The following FUCA2 variants were observed in gnomAD, a reference collection of about 807,000 sequenced individuals.
The protein encoded by FUCA2 is alpha-L-fucosidase 2.
In FUCA2, 41 loss-of-function variants were observed where a neutral mutation model predicts 52.6. The observed-to-expected ratio is 0.78, with a 90% CI of 0.61 to 1.01. The LOEUF is 1.01. Ranked by LOEUF, FUCA2 falls within the 50% of genes least tolerant of loss-of-function variation. FUCA2 has a pLI of 0.00. For missense variants in FUCA2, 507 were observed against 569.5 expected, an observed-to-expected ratio of 0.89 and a Z score of 1.12; for synonymous variants, 211 against 217.3, an observed-to-expected ratio of 0.97 and a Z score of 0.26.
rs1780530120 is a variant in FUCA2, at chr6:143,501,808, GA to G, written c.1154+123del. On this transcript the variant is annotated intron_variant, in intron 5 of 6. Transcript: ENST00000002165. This position sits in a 1 kb window ranked among gnomAD's most constrained non-coding sequence, Gnocchi z 6.1. Reference sequence around the variant, plus strand: ...TTTATATTAGAGTAAGCAAAGTTTGGAAAGTGCTTTGTATATGTAGGAATTC... The same window carrying G: ...TTTATATTAGAGTAAGCAAAGTTTGGAAGTGCTTTGTATATGTAGGAATTC... The G allele has an allele frequency of 1.3e-6, 1 of 766,490 alleles. No individual in the cohort carries two copies. The highest frequency in any genetic ancestry group is 2.0e-6 in the Non-Finnish European group (1 of 499,504). 47.5% of individuals were successfully genotyped at this position (766,490 alleles called of 1,614,324 possible).
Position 143,509,399 on chromosome 6 carries a change from A to C in FUCA2, c.225-1975T>G, listed in dbSNP as rs574653473. Among the ~76,000 whole-genome samples, 1 of 152,368 alleles carries C rather than the reference A, an allele frequency of 6.6e-6. No homozygotes were observed. Among genetic ancestry groups the C allele is most frequent in the East Asian group, 1.9e-4 (1 of 5,194 alleles). On this transcript the variant is annotated intron_variant, in intron 1 of 6. Transcript: ENST00000002165. This position sits in a 1 kb window ranked among gnomAD's most constrained non-coding sequence, Gnocchi z 5.4. Reference sequence around the variant, plus strand: ...GTTCTCTATTTTGTTTAGTATGAGAAGTATCTTTATTATTCTAGGTCAAAA... The same window carrying C: ...GTTCTCTATTTTGTTTAGTATGAGACGTATCTTTATTATTCTAGGTCAAAA...
chr6:143,496,568 C>T (rs1780462946), intron 6 of FUCA2: 1 of 151,994 alleles, frequency 6.6e-6, no homozygotes, highest in African/African-American at 2.4e-5. Flanking sequence ...AAGGAGAACC[C>T]CCATATGGAC....
chr6:143,507,303 G>T lies in FUCA2; in HGVS notation c.346C>A (p.Gln116Lys), dbSNP rs775353690. The change falls in exon 2 of 7, where the codon CAG becomes AAG. Residue 116 changes from glutamine (Q) to lysine (K), a missense_variant. Gln to Lys is a moderately conservative substitution (Grantham distance 53). Coordinates refer to ENST00000002165, the MANE Select transcript of FUCA2 (RefSeq NM_032020.5). The surrounding 1 kb of genome is among the most constrained non-coding windows in gnomAD (Gnocchi z 4.5). ...LFTAKFFNAN[Q>K]WADIFQASGA... is the part of the protein sequence containing the mutation. ...GAGGCCTGAAAAATATCTGCCCACT[G>T]GTTGGCATTAAAAAATTTTGCTGTA... 1.2e-6 allele frequency: 2 copies of T among 1,606,786 alleles called. No individual in the cohort carries two copies. The highest frequency in any genetic ancestry group is 1.7e-6 in the Non-Finnish European group (2 of 1,177,612).
At position 143,511,341 on chromosome 6, in the gene FUCA2, C is replaced by CTGGGTGG. The variant is rs1468394169; in HGVS notation, c.224+63_224+69dup. On this transcript the variant is annotated intron_variant, in intron 1 of 6. Coordinates refer to ENST00000002165, the MANE Select transcript of FUCA2 (RefSeq NM_032020.5). This position sits in a 1 kb window ranked among gnomAD's most constrained non-coding sequence, Gnocchi z 6.3. ...AGCACCAGGCGGCGAACCAGGCCCG[C>CTGGGTGG]TGGGTGGTGGCTGGAGGCTGCGGGT... The CTGGGTGG allele has an allele frequency of 7.0e-6, 10 of 1,433,430 alleles. No individual in the cohort carries two copies. Among genetic ancestry groups the CTGGGTGG allele is most frequent in the African/African-American group, 5.7e-5 (4 of 69,606 alleles). 88.8% of individuals were successfully genotyped at this position (1,433,430 alleles called of 1,614,324 possible).
chr6:143,503,950 TC>T lies in FUCA2; in HGVS notation c.714del (p.Trp238Ter). ...AACCAGGCCAAGAAGCCTGTGCTGT[TC>T]CAGTATTGATCCGGTGCTCCTCCGT... ...DGDGGAPDQY[W>X]NSTGFLAWLY... On this transcript the variant is annotated frameshift_variant, in exon 3 of 7. Coordinates refer to ENST00000002165, the MANE Select transcript of FUCA2 (RefSeq NM_032020.5). LOFTEE classifies it high-confidence loss of function. The surrounding 1 kb of genome is among the most constrained non-coding windows in gnomAD (Gnocchi z 4.8). The T allele has an allele frequency of 6.2e-7, 1 of 1,614,058 alleles. No individual in the cohort carries two copies. Among genetic ancestry groups the T allele is most frequent in the East Asian group, 2.2e-5 (1 of 44,882 alleles).
Position 143,502,546 on chromosome 6 carries a change from C to G in FUCA2, c.772G>C (p.Val258Leu). Residue 258 changes from valine to leucine, a missense_variant, in exon 4 of 7, where the codon GTC (valine) becomes CTC (leucine). Val to Leu is a conservative substitution (Grantham distance 32, BLOSUM62 1). Transcript: ENST00000002165. The surrounding 1 kb of genome is among the most constrained non-coding windows in gnomAD (Gnocchi z 4.1). ...CCAGCTCCCCAACGATCATTGGTGA[C>G]TACTGTGCCCCGAACTGGGCTGAAA... Reference protein sequence around the residue: ...YNESPVRGTVVTNDRWGAGSI... With the variant: ...YNESPVRGTVLTNDRWGAGSI... 6.2e-7 allele frequency: 1 copy of G among 1,614,042 alleles called. No homozygotes were observed. Among genetic ancestry groups the G allele is most frequent in the Non-Finnish European group, 8.5e-7 (1 of 1,179,944 alleles).
In FUCA2 at chr6:143,504,361, C is replaced by T; in HGVS notation, c.413-109G>A. The T allele has an allele frequency of 1.1e-6, 1 of 876,306 alleles. No individual in the cohort carries two copies. The highest frequency in any genetic ancestry group is 1.8e-6 in the Non-Finnish European group (1 of 570,646). 54.3% of individuals were successfully genotyped at this position (876,306 alleles called of 1,614,324 possible). On this transcript the variant is annotated intron_variant, in intron 2 of 6. Coordinates refer to ENST00000002165, the MANE Select transcript of FUCA2 (RefSeq NM_032020.5). This position sits in a 1 kb window ranked among gnomAD's most constrained non-coding sequence, Gnocchi z 4.4. ...ACATAGTACATGCGATATATAAATA[C>T]CTGCTCCTACAAATGACTGTTTTAT...
Position 143,502,604 on chromosome 6 carries a change from A to AT in FUCA2, c.753-40_753-39insA. 1 of 1,520,784 alleles carries AT rather than the reference A, an allele frequency of 6.6e-7. No homozygotes were observed. The highest frequency in any genetic ancestry group is 9.0e-7 in the Non-Finnish European group (1 of 1,109,782). The allele number at this position is 1,520,784 out of a possible 1,614,324, so 94.2% of individuals were successfully genotyped here. A position where few individuals can be genotyped will look rare whatever the true frequency, so the allele number is the denominator to read the frequency against. ...TACAATTTTTTAAAACAAAAGGTAT[A>AT]AGCTTTTTATACAAAAAGAAATGTC... On this transcript the variant is annotated intron_variant, in intron 3 of 6. Transcript: ENST00000002165. The surrounding 1 kb of genome is among the most constrained non-coding windows in gnomAD (Gnocchi z 4.1).
At position 143,501,220 on chromosome 6, in the gene FUCA2, C is replaced by T. The variant is rs1780522043; in HGVS notation, c.1154+712G>A. The stretch of plus-strand genomic sequence containing the variant: ...TTGCTCTGTCCAGATTGCCTTACTC[C>T]ATTTTATTCAATGGGTTGTTAATGT... On this transcript the variant is annotated intron_variant, in intron 5 of 6. Coordinates refer to ENST00000002165, the MANE Select transcript of FUCA2 (RefSeq NM_032020.5). The surrounding 1 kb of genome is among the most constrained non-coding windows in gnomAD (Gnocchi z 6.1). Among the ~76,000 whole-genome samples, 1 of 152,150 alleles carries T rather than the reference C, an allele frequency of 6.6e-6. No individual in the cohort carries two copies. Among genetic ancestry groups the T allele is most frequent in the Non-Finnish European group, 1.5e-5 (1 of 68,030 alleles).
rs753611764 is a variant in FUCA2 at position 143,502,589 on chromosome 6, T to A, written c.753-24A>T. On this transcript the variant is annotated intron_variant, in intron 3 of 6. Transcript: ENST00000002165. This position sits in a 1 kb window ranked among gnomAD's most constrained non-coding sequence, Gnocchi z 4.1. Reference sequence around the variant, plus strand: ...GGCTGAAATGAAACATACAATTTTTTAAAACAAAAGGTATAAGCTTTTTAT... The same window carrying A: ...GGCTGAAATGAAACATACAATTTTTAAAAACAAAAGGTATAAGCTTTTTAT... The A allele has an allele frequency of 6.2e-5, 99 of 1,587,804 alleles. No individual in the cohort carries two copies. The African/African-American group carries it at 8.4e-4, about 13-fold the overall frequency.
rs537038687 is a variant in FUCA2 at position 143,503,505 on chromosome 6, T to C, written c.752+408A>G. On this transcript the variant is annotated intron_variant, in intron 3 of 6. Transcript: ENST00000002165. The surrounding 1 kb of genome is among the most constrained non-coding windows in gnomAD (Gnocchi z 4.8). ...GGTGACATTGGCTGGGCAGCAAAGA[T>C]GACCAAAAGGTAAGAGGATAAAAAG... The C allele has an allele frequency of 1.3e-5, 2 of 158,278 alleles. No homozygotes were observed. Among genetic ancestry groups the C allele is most frequent in the Non-Finnish European group, 2.8e-5 (2 of 72,152 alleles). 9.8% of individuals were successfully genotyped at this position (158,278 alleles called of 1,614,324 possible).
intron 2 of FUCA2, chr6:143,505,972 T>C (rs1005336520): frequency 6.6e-6 from 1 of 152,180 alleles, no homozygotes; most frequent in Non-Finnish European, 1.5e-5. Context: ...CCATACAGCT[T>C]GGGAAAGTTC....
At position 143,500,858 on chromosome 6, in the gene FUCA2, G is replaced by A. The variant is rs997596670; in HGVS notation, c.1154+1074C>T. The stretch of plus-strand genomic sequence containing the variant: ...GGAGTCTGTAGGTGACTGCAAGAAG[G>A]TGGGCATGATGAACCCTGGGGGAAG... On this transcript the variant is annotated intron_variant, in intron 5 of 6. Coordinates refer to ENST00000002165, the MANE Select transcript of FUCA2 (RefSeq NM_032020.5). The surrounding 1 kb of genome is among the most constrained non-coding windows in gnomAD (Gnocchi z 6.9). 5.9e-5 allele frequency among the ~76,000 whole-genome samples: 9 copies of A among 152,156 alleles called. No individual in the cohort carries two copies. Among genetic ancestry groups the A allele is most frequent in the African/African-American group, 2.2e-4 (9 of 41,448 alleles).
chr6:143,495,606 T>C lies in FUCA2; in HGVS notation c.*101A>G, dbSNP rs1288623451. ...GGCTGAACTGCCAAAATAATTTTCT[T>C]ATCCAGTTTTACATTTGCTTTCTCC... On this transcript the variant is annotated 3_prime_UTR_variant, in exon 7 of 7. Coordinates refer to ENST00000002165, the MANE Select transcript of FUCA2 (RefSeq NM_032020.5). This position sits in a 1 kb window ranked among gnomAD's most constrained non-coding sequence, Gnocchi z 5.2. 8.2e-7 allele frequency: 1 copy of C among 1,217,220 alleles called. No homozygotes were observed. The highest frequency in any genetic ancestry group is 1.9e-5 in the South Asian group (1 of 52,446). The allele number at this position is 1,217,220 out of a possible 1,614,324, so 75.4% of individuals were successfully genotyped here. A position where few individuals can be genotyped will look rare whatever the true frequency, so the allele number is the denominator to read the frequency against.
rs1358434857 is a variant in FUCA2 at position 143,499,599 on chromosome 6, G to A, written c.1155-2102C>T. Among the ~76,000 whole-genome samples, 1 of 152,130 alleles carries A rather than the reference G, an allele frequency of 6.6e-6. No individual in the cohort carries two copies. The highest frequency in any genetic ancestry group is 1.5e-5 in the Non-Finnish European group (1 of 68,032). On this transcript the variant is annotated intron_variant, in intron 5 of 6. Coordinates refer to ENST00000002165, the MANE Select transcript of FUCA2 (RefSeq NM_032020.5). This position sits in a 1 kb window ranked among gnomAD's most constrained non-coding sequence, Gnocchi z 6.0. ...TTCAAGATTTAGAGGTTGGAAAAAT[G>A]AGATGAAATCAGCAAAGGAACTAAC...
rs758253790 is a variant in FUCA2, at chr6:143,495,696, T to G, written c.*11A>C. 6.2e-7 allele frequency: 1 copy of G among 1,608,352 alleles called. No homozygotes were observed. The highest frequency in any genetic ancestry group is 8.5e-7 in the Non-Finnish European group (1 of 1,175,640). On this transcript the variant is annotated 3_prime_UTR_variant, in exon 7 of 7. Transcript: ENST00000002165. This position sits in a 1 kb window ranked among gnomAD's most constrained non-coding sequence, Gnocchi z 5.2. ...AGACATAACTTGCAGCATCAGCCAC[T>G]CTGCTGCACTTTAGATCACATTAGT...
Position 143,503,515 on chromosome 6 carries a change from G to A in FUCA2, c.752+398C>T, listed in dbSNP as rs1452721664. The A allele has an allele frequency of 6.2e-6, 1 of 160,856 alleles. No homozygotes were observed. The highest frequency in any genetic ancestry group is 1.4e-5 in the Non-Finnish European group (1 of 73,948). 10.0% of individuals were successfully genotyped at this position (160,856 alleles called of 1,614,324 possible). On this transcript the variant is annotated intron_variant, in intron 3 of 6. Coordinates refer to ENST00000002165, the MANE Select transcript of FUCA2 (RefSeq NM_032020.5). The surrounding 1 kb of genome is among the most constrained non-coding windows in gnomAD (Gnocchi z 4.8). The stretch of plus-strand genomic sequence containing the variant: ...GCTGGGCAGCAAAGATGACCAAAAG[G>A]TAAGAGGATAAAAAGAAGCAGTCTG...
chr6:143,503,697 A>C lies in FUCA2; in HGVS notation c.752+216T>G. On this transcript the variant is annotated intron_variant, in intron 3 of 6. Coordinates refer to ENST00000002165, the MANE Select transcript of FUCA2 (RefSeq NM_032020.5). This position sits in a 1 kb window ranked among gnomAD's most constrained non-coding sequence, Gnocchi z 4.8. ...CCTGTGATTTTTAGTCTGATCTCAA[A>C]ATCAGACCATTGAGTTGGATTTTAC... 1 of 479,096 alleles carries C rather than the reference A, an allele frequency of 2.1e-6. No homozygotes were observed. The highest frequency in any genetic ancestry group is 3.7e-6 in the Non-Finnish European group (1 of 272,538). 29.7% of individuals were successfully genotyped at this position (479,096 alleles called of 1,614,324 possible). A position where few individuals can be genotyped will look rare whatever the true frequency, so the allele number is the denominator to read the frequency against.
At position 143,511,707 on chromosome 6, in the gene FUCA2, G is replaced by C; in HGVS notation, c.-73C>G. ...GGAGCGCTGTTCTTCCGTCTCTGCC[G>C]CTGAGTATGCCGCGCCGCGGTCACC... On this transcript the variant is annotated 5_prime_UTR_variant, in exon 1 of 7. Coordinates refer to ENST00000002165, the MANE Select transcript of FUCA2 (RefSeq NM_032020.5). The surrounding 1 kb of genome is among the most constrained non-coding windows in gnomAD (Gnocchi z 6.3). 4 of 1,327,424 alleles carry C rather than the reference G, an allele frequency of 3.0e-6. No homozygotes were observed. The highest frequency in any genetic ancestry group is 4.0e-6 in the Non-Finnish European group (4 of 1,005,744). The allele number at this position is 1,327,424 out of a possible 1,614,324, so 82.2% of individuals were successfully genotyped here. A position where few individuals can be genotyped will look rare whatever the true frequency, so the allele number is the denominator to read the frequency against.
Sources: gnomAD v4.1 joint callset for allele counts (sites outside exome capture counted in the v4.1 genomes callset) on GRCh38, gnomAD v4.1.1 for gene constraint, Gnocchi (gnomAD v3.1) non-coding constraint, MANE v1.5 for transcripts, NCBI Gene and HGNC (gene_info 2026-07-23, HGNC 2026-07-21) for gene names.